The following SPECC1 variants were observed in gnomAD, a reference collection of about 807,000 sequenced individuals.
SPECC1 encodes sperm antigen with calponin homology and coiled-coil domains 1, also known as cytospin-B.
SPECC1 carries 62 observed loss-of-function variants against 104.1 expected under a neutral mutation model. The ratio of observed to expected loss-of-function variants is 0.60; its 90% CI spans 0.49 to 0.74. The LOEUF (loss-of-function observed/expected upper bound fraction) is 0.74, where lower values mean the gene tolerates loss of function less well. Among genes scored for constraint, SPECC1 ranks in the 30% least tolerant of loss-of-function variants. SPECC1 has a pLI of 0.00. For synonymous variants in SPECC1, 513 were observed against 501.6 expected (o/e 1.02, Z -0.30); for missense variants, 1,306 against 1,310.5 (o/e 1.00, Z 0.05).
chr17:20,199,274 A>G (rs925245550), intron 3 of SPECC1, among the ~76,000 whole-genome samples: 22 of 150,592 alleles, frequency 1.5e-4, no homozygotes, highest in African/African-American at 5.1e-4. Flanking sequence ...TTTAGTAGAG[A>G]CAGGGTTTTG....
chr17:20,196,361 C>A (rs1260539765), intron 3 of SPECC1, among the ~76,000 whole-genome samples: 1 of 152,162 alleles, frequency 6.6e-6, no homozygotes, highest in African/African-American at 2.4e-5. Flanking sequence ...ACACGCCAGG[C>A]AGAAGTGCAG....
intron 1 of SPECC1, among the ~76,000 whole-genome samples, chr17:20,039,037 A>G (rs533799526): frequency 6.6e-6 from 1 of 152,168 alleles, no homozygotes. Flanking sequence ...CATCACCACA[A>G]TCAATTTTGG....
chr17:20,219,759 A>G (rs554917365), intron 4 of SPECC1, among the ~76,000 whole-genome samples: 49 of 152,212 alleles, frequency 3.2e-4, no homozygotes, highest in African/African-American at 8.9e-4. Flanking sequence ...GCCCAGATCA[A>G]TGTCCTGGAG....
chr17:20,194,867 C>T (rs2035927274), intron 3 of SPECC1, among the ~76,000 whole-genome samples: 1 of 152,090 alleles, frequency 6.6e-6, no homozygotes. Flanking sequence ...AGAATACTCA[C>T]AACTAGTTGC....
At chr17:20,151,434 T>C (rs1234863751) in intron 3 of SPECC1, among the ~76,000 whole-genome samples, 2 of 152,222 alleles carry the variant, frequency 1.3e-5, no homozygotes, top group African/African-American at 4.8e-5. Context: ...CCATCTCGAC[T>C]TAGAATATTT....
intron 3 of SPECC1, chr17:20,126,517 A>T (rs532146782): frequency 6.6e-6 from 1 of 152,282 alleles, no homozygotes; most frequent in Non-Finnish European, 1.5e-5. Flanking sequence ...TACTTTAAAA[A>T]ATATTTAGTT....
intron 12 of SPECC1, among the ~76,000 whole-genome samples, chr17:20,265,545 C>T (rs1287269240): frequency 6.6e-6 from 1 of 152,130 alleles, no homozygotes; most frequent in Non-Finnish European, 1.5e-5. Context: ...TATGGGTTGT[C>T]TGTTAACTCT....
At chr17:20,168,087 A>G (rs2033805522) in intron 3 of SPECC1, among the ~76,000 whole-genome samples, 1 of 152,224 alleles carries the variant, frequency 6.6e-6, no homozygotes, top group African/African-American at 2.4e-5. Flanking sequence ...AAAAGATGGA[A>G]AGCATTCCGA....
chr17:20,108,430 G>A (rs2048334272), intron 2 of SPECC1, among the ~76,000 whole-genome samples: 1 of 151,988 alleles, frequency 6.6e-6, no homozygotes, highest in African/African-American at 2.4e-5. Flanking sequence ...TTACACTTGT[G>A]TAACCACCAC....
chr17:20,216,973 C>T (rs533678166), intron 4 of SPECC1, among the ~76,000 whole-genome samples: 2 of 151,384 alleles, frequency 1.3e-5, no homozygotes, highest in South Asian at 2.1e-4. Context: ...AGCAACATAG[C>T]GAGACCCCAT....
chr17:20,071,410 C>T (rs573676159), intron 1 of SPECC1, among the ~76,000 whole-genome samples: 53 of 151,944 alleles, frequency 3.5e-4, no homozygotes, highest in Middle Eastern at 3.4e-3. Flanking sequence ...GTGTAATTTT[C>T]TCCTTTAGAG....
intron 12 of SPECC1, among the ~76,000 whole-genome samples, chr17:20,296,547 A>G (rs1232696974): frequency 6.6e-6 from 1 of 152,182 alleles, no homozygotes; most frequent in Admixed American, 6.5e-5. Context: ...GTTTTTTCCA[A>G]TTCTGTGAAG....
intron 2 of SPECC1, among the ~76,000 whole-genome samples, chr17:20,102,577 C>CAAT (rs2047994507): frequency 6.6e-6 from 1 of 152,190 alleles, no homozygotes. Flanking sequence ...AAATGGAACA[C>CAAT]AATAGCTGAT....
At chr17:20,253,256 GAGA>G (rs1410960066) in intron 9 of SPECC1, among the ~76,000 whole-genome samples, 1 of 152,174 alleles carries the variant, frequency 6.6e-6, no homozygotes, top group Non-Finnish European at 1.5e-5. Flanking sequence ...TGCCCTTGGA[GAGA>G]AGAACTGGGA....
chr17:20,214,717 A>G (rs1417023239), intron 4 of SPECC1, among the ~76,000 whole-genome samples: 3 of 152,182 alleles, frequency 2.0e-5, no homozygotes, highest in Non-Finnish European at 2.9e-5. Context: ...CATGTTGGCC[A>G]GGCTGGTCTC....
intron 3 of SPECC1, among the ~76,000 whole-genome samples, chr17:20,134,535 G>A (rs921345725): frequency 3.9e-5 from 6 of 152,132 alleles, no homozygotes; most frequent in African/African-American, 1.4e-4. Context: ...AATGTGCTTC[G>A]TACTTCTAGT....
chr17:20,024,830 T>G (rs746156497), intron 1 of SPECC1, among the ~76,000 whole-genome samples: 2 of 152,192 alleles, frequency 1.3e-5, no homozygotes, highest in Admixed American at 6.5e-5. Context: ...GTCCCACTGT[T>G]GCTAATCTCT....
intron 3 of SPECC1, among the ~76,000 whole-genome samples, chr17:20,177,038 G>T (rs957509332): frequency 3.9e-5 from 6 of 152,174 alleles, no homozygotes; most frequent in African/African-American, 1.2e-4. Flanking sequence ...CAAGGAAGCA[G>T]TTATTTCTGA....
intron 3 of SPECC1, among the ~76,000 whole-genome samples, chr17:20,183,692 G>C (rs1053965353): frequency 6.6e-6 from 1 of 152,108 alleles, no homozygotes; most frequent in African/African-American, 2.4e-5. Flanking sequence ...TGTAAATGCC[G>C]TGTCATTTGT....
Sources: allele counts gnomAD v4.1 joint callset (sites outside exome capture counted in the v4.1 genomes callset), GRCh38; gene constraint gnomAD v4.1.1; transcripts MANE v1.5; gene names NCBI Gene and HGNC (gene_info 2026-07-23, HGNC 2026-07-21).